The following AK9 variants were observed in gnomAD, a reference collection of about 807,000 sequenced individuals.
AK9 encodes the protein adenylate kinase domain containing 1.
A neutral mutation model predicts 239.6 loss-of-function variants in AK9; 191 were observed. The ratio of observed to expected loss-of-function variants is 0.80; its 90% CI spans 0.71 to 0.90. The LOEUF (loss-of-function observed/expected upper bound fraction) is 0.90, where lower values mean the gene tolerates loss of function less well. AK9 is among the 40% of genes least tolerant of loss of function. The pLI is 0.00. For missense variants in AK9, 1,995 were observed against 2,214.7 expected, an observed-to-expected ratio of 0.90 and a Z score of 1.99; for synonymous variants, 689 against 721.0, an observed-to-expected ratio of 0.96 and a Z score of 0.71.
chr6:109,603,124 T>C (rs1583212284), intron 17 of AK9, among the ~76,000 whole-genome samples: 1 of 152,146 alleles, frequency 6.6e-6, no homozygotes, highest in Non-Finnish European at 1.5e-5. Flanking sequence ...AGGAGCTGCA[T>C]CCCTTTGGAG....
At position 109,619,056 on chromosome 6, in the gene AK9, T is replaced by A; in HGVS notation, c.1399+36A>T. 3.3e-6 allele frequency: 5 copies of A among 1,515,790 alleles called. No homozygotes were observed. The South Asian group carries it at 5.2e-5, about 16-fold the overall frequency. 93.9% of individuals were successfully genotyped at this position (1,515,790 alleles called of 1,614,324 possible). ...CAAGTAGCCCGGCTTAATTTTTACC[T>A]AAACTTAAAACACACATTTTAAAAA... On this transcript the variant is annotated intron_variant, in intron 13 of 40. Coordinates refer to ENST00000424296, the MANE Select transcript of AK9 (RefSeq NM_001145128.3).
At chr6:109,596,876 A>T (rs1198691793) in intron 17 of AK9, among the ~76,000 whole-genome samples, 1 of 152,196 alleles carries the variant, frequency 6.6e-6, no homozygotes, top group Non-Finnish European at 1.5e-5. Context: ...GGATTGCTGG[A>T]TCGTACTGTA....
Position 109,495,353 on chromosome 6 carries a change from A to G in AK9, c.5403T>C (p.Pro1801=). Residue 1801 remains proline (P), a synonymous_variant, in exon 39 of 41, where the codon CCT becomes CCC. Coordinates refer to ENST00000424296, the MANE Select transcript of AK9 (RefSeq NM_001145128.3). ...GTAAAAGAACCTGTTCCAGATATCC[A>G]GGCAAAGGAAGACTAGTAAGAAGTA... The part of the protein sequence containing the change: ...EPILLTSLPL[P]GYLEQGIATS... 1 of 1,612,314 alleles carries G rather than the reference A, an allele frequency of 6.2e-7. No homozygotes were observed. Among genetic ancestry groups the G allele is most frequent in the South Asian group, 1.1e-5 (1 of 90,888 alleles).
chr6:109,647,686 A>G (rs1204165593), intron 8 of AK9, among the ~76,000 whole-genome samples: 1 of 152,220 alleles, frequency 6.6e-6, no homozygotes, highest in East Asian at 1.9e-4. Flanking sequence ...TCAACGAGAC[A>G]GAAAGTTAAC....
chr6:109,638,740 C>A lies in AK9; in HGVS notation c.933+2778G>T, dbSNP rs1797022761. On this transcript the variant is annotated intron_variant, in intron 10 of 40. Transcript: ENST00000424296. ...ATAGGTATACATATGCCATGGTGGTCTGATGCACCCATCAACTTGTCATTT... is the reference window on the plus strand; with the variant it reads ...ATAGGTATACATATGCCATGGTGGTATGATGCACCCATCAACTTGTCATTT... Among the ~76,000 whole-genome samples, 3 of 152,156 alleles carry A rather than the reference C, an allele frequency of 2.0e-5. No individual in the cohort carries two copies. In the East Asian group the frequency reaches 5.8e-4, roughly 29 times the overall value.
At chr6:109,628,358 T>TAGAG (rs1237862846) in intron 12 of AK9, among the ~76,000 whole-genome samples, 1 of 152,170 alleles carries the variant, frequency 6.6e-6, no homozygotes, top group Non-Finnish European at 1.5e-5. Flanking sequence ...CCTGCTGCTC[T>TAGAG]GCTTCACAGT....
chr6:109,588,552 T>C (rs1013629200), intron 17 of AK9, among the ~76,000 whole-genome samples: 1 of 152,212 alleles, frequency 6.6e-6, no homozygotes, highest in African/African-American at 2.4e-5. Context: ...GATTCTCTGT[T>C]TACTCTGTTG....
intron 12 of AK9, among the ~76,000 whole-genome samples, chr6:109,622,585 G>C (rs1294189290): frequency 6.9e-6 from 1 of 144,876 alleles, no homozygotes; most frequent in Non-Finnish European, 1.5e-5. Flanking sequence ...TATATGCATA[G>C]TATGCTATAT....
intron 32 of AK9, among the ~76,000 whole-genome samples, chr6:109,512,151 T>C (rs115221527): frequency 0.021 from 3,158 of 152,188 alleles, 97 homozygotes; most frequent in African/African-American, 0.073. Flanking sequence ...ATAAAACAGA[T>C]TGCAGTAATG....
At chr6:109,664,071 T>A (rs1004257576) in intron 5 of AK9, among the ~76,000 whole-genome samples, 2 of 152,258 alleles carry the variant, frequency 1.3e-5, no homozygotes, top group Non-Finnish European at 2.9e-5. Context: ...TCTAATTTTT[T>A]GTTTTGAAAA....
intron 24 of AK9, among the ~76,000 whole-genome samples, chr6:109,551,358 A>G (rs2128165030): frequency 6.6e-6 from 1 of 152,110 alleles, no homozygotes; most frequent in East Asian, 1.9e-4. Context: ...TTCTCTACTG[A>G]AAATATAAAA....
intron 12 of AK9, among the ~76,000 whole-genome samples, chr6:109,619,451 T>C (rs1235238997): frequency 1.3e-5 from 2 of 152,128 alleles, no homozygotes. Context: ...GTAGGATATA[T>C]GTCTATATAT....
At chr6:109,607,812 G>C (rs2128236594) in intron 17 of AK9, among the ~76,000 whole-genome samples, 1 of 134,140 alleles carries the variant, frequency 7.5e-6, no homozygotes, top group East Asian at 2.0e-4. Context: ...TGTGAAAATT[G>C]AGTAGCTCAT....
Position 109,628,997 on chromosome 6 carries a change from G to C in AK9, c.1254+3926C>G, listed in dbSNP as rs141920568. 6.2e-4 allele frequency among the ~76,000 whole-genome samples: 94 copies of C among 151,994 alleles called. 1 individual carries two copies. The East Asian group carries it at 0.012, about 19-fold the overall frequency. ...TATCAATCTTAAAAAATTATTTTGG[G>C]GTATTTTCTAATTGCTGCATAACAA... On this transcript the variant is annotated intron_variant, in intron 12 of 40. Coordinates refer to ENST00000424296, the MANE Select transcript of AK9 (RefSeq NM_001145128.3).
At chr6:109,582,117 T>C (rs1253107080) in intron 19 of AK9, among the ~76,000 whole-genome samples, 1 of 152,190 alleles carries the variant, frequency 6.6e-6, no homozygotes, top group Non-Finnish European at 1.5e-5. Context: ...TTACTGCCCA[T>C]TGACAATGCA....
At chr6:109,683,178 C>T (rs1006477362) in intron 1 of AK9, among the ~76,000 whole-genome samples, 1 of 152,106 alleles carries the variant, frequency 6.6e-6, no homozygotes, top group Non-Finnish European at 1.5e-5. Flanking sequence ...GCAGAAAATG[C>T]CTTCAACAAA....
At chr6:109,591,025 G>A (rs986713525) in intron 17 of AK9, among the ~76,000 whole-genome samples, 3 of 152,150 alleles carry the variant, frequency 2.0e-5, no homozygotes, top group Non-Finnish European at 4.4e-5. Flanking sequence ...GTAAATGTCT[G>A]TTAGGTCCAT....
intron 12 of AK9, among the ~76,000 whole-genome samples, chr6:109,624,824 T>G (rs1040250595): frequency 6.6e-6 from 1 of 152,178 alleles, no homozygotes; most frequent in Non-Finnish European, 1.5e-5. Flanking sequence ...CAAGAATTCC[T>G]ATATGGAAAA....
intron 3 of AK9, among the ~76,000 whole-genome samples, chr6:109,673,094 C>T (rs1192475377): frequency 1.3e-5 from 2 of 152,070 alleles, no homozygotes; most frequent in East Asian, 3.9e-4. Context: ...CAGGGGAGGA[C>T]CCAGGAGAGT....
Sources: gnomAD v4.1 joint callset for allele counts (sites outside exome capture counted in the v4.1 genomes callset) on GRCh38, gnomAD v4.1.1 for gene constraint, MANE v1.5 for transcripts, NCBI Gene and HGNC (gene_info 2026-07-23, HGNC 2026-07-21) for gene names.